Variants in HS6ST3 observed in about 807,000 individuals in gnomAD.
The protein encoded by HS6ST3 is heparan sulfate 6-O-sulfotransferase 3, also known as heparan-sulfate 6-O-sulfotransferase 3.
A neutral mutation model predicts 36.7 loss-of-function variants in HS6ST3; 12 were observed. The ratio of observed to expected loss-of-function variants is 0.33; its 90% CI spans 0.21 to 0.53. HS6ST3 has a LOEUF of 0.53. Among genes scored for constraint, HS6ST3 ranks in the 20% least tolerant of loss-of-function variants. The pLI, the probability that HS6ST3 is intolerant of heterozygous loss-of-function variation, is 0.95. For missense variants in HS6ST3, 584 were observed against 640.9 expected, an observed-to-expected ratio of 0.91 and a Z score of 0.96; for synonymous variants, 240 against 257.5, an observed-to-expected ratio of 0.93 and a Z score of 0.65.
intron 1 of HS6ST3, among the ~76,000 whole-genome samples, chr13:96,272,574 G>T (rs1051632757): frequency 6.6e-6 from 1 of 151,920 alleles, no homozygotes; most frequent in African/African-American, 2.4e-5. Context: ...AATTCTGGGT[G>T]GGGGAGAAAG....
intron 1 of HS6ST3, among the ~76,000 whole-genome samples, chr13:96,615,507 A>C (rs777982566): frequency 6.6e-6 from 1 of 152,182 alleles, no homozygotes; most frequent in African/African-American, 2.4e-5. Flanking sequence ...CCCATTCATC[A>C]TCTGGATGTA....
intron 1 of HS6ST3, among the ~76,000 whole-genome samples, chr13:96,757,602 G>A (rs781127440): frequency 2.6e-5 from 4 of 151,982 alleles, no homozygotes; most frequent in African/African-American, 7.2e-5. Flanking sequence ...TGCTGGTAAC[G>A]GTAAGGTTTT....
chr13:96,420,366 TCTC>T (rs1421088262), intron 1 of HS6ST3, among the ~76,000 whole-genome samples: 1 of 152,192 alleles, frequency 6.6e-6, no homozygotes, highest in Non-Finnish European at 1.5e-5. Flanking sequence ...TCTTCTTTAT[TCTC>T]CTCACTCTCC....
chr13:96,215,635 CT>C (rs1254114055), intron 1 of HS6ST3, among the ~76,000 whole-genome samples: 1 of 151,608 alleles, frequency 6.6e-6, no homozygotes. Context: ...TTAAAAAAAG[CT>C]TTTTTTCTGT....
intron 1 of HS6ST3, among the ~76,000 whole-genome samples, chr13:96,712,445 A>G (rs1356844771): frequency 2.0e-5 from 3 of 152,182 alleles, no homozygotes; most frequent in Admixed American, 1.3e-4. Flanking sequence ...GGAATTTTGT[A>G]TGAACACAGT....
intron 1 of HS6ST3, among the ~76,000 whole-genome samples, chr13:96,135,646 C>T (rs1320018265): frequency 6.6e-6 from 1 of 152,010 alleles, no homozygotes; most frequent in Non-Finnish European, 1.5e-5. Context: ...ACTGTTAAAC[C>T]ACACGGCATA....
rs574726106 is a variant in HS6ST3, at chr13:96,250,800, T to G, written c.707+159231T>G. On this transcript the variant is annotated intron_variant, in intron 1 of 1. Coordinates refer to ENST00000376705, the MANE Select transcript of HS6ST3 (RefSeq NM_153456.4). Reference sequence around the variant, plus strand: ...GTTGAGAGTTTTTATCCTGAAAGGCTTTTGAATTTTGTCAAATACTTTCTC... The same window carrying G: ...GTTGAGAGTTTTTATCCTGAAAGGCGTTTGAATTTTGTCAAATACTTTCTC... Among the ~76,000 whole-genome samples the G allele has an allele frequency of 2.0e-5, 3 of 152,340 alleles. 1 individual carries two copies. The highest frequency in any genetic ancestry group is 7.2e-5 in the African/African-American group (3 of 41,576).
intron 1 of HS6ST3, among the ~76,000 whole-genome samples, chr13:96,437,354 C>T (rs2055648147): frequency 6.6e-6 from 1 of 152,224 alleles, no homozygotes; most frequent in African/African-American, 2.4e-5. Flanking sequence ...GTATCATCAG[C>T]TACTTTGTTT....
intron 1 of HS6ST3, among the ~76,000 whole-genome samples, chr13:96,117,580 A>G (rs538420956): frequency 7.9e-5 from 12 of 152,342 alleles, no homozygotes; most frequent in African/African-American, 2.4e-4. Context: ...CATAATATCT[A>G]TGAAAATATG....
chr13:96,738,346 G>A (rs560942047), intron 1 of HS6ST3, among the ~76,000 whole-genome samples: 1 of 151,832 alleles, frequency 6.6e-6, no homozygotes, highest in Admixed American at 6.6e-5. Flanking sequence ...CAAGGTTATT[G>A]ACTGCAGTAA....
chr13:96,278,744 T>G (rs772928554), intron 1 of HS6ST3, among the ~76,000 whole-genome samples: 2 of 152,210 alleles, frequency 1.3e-5, no homozygotes, highest in African/African-American at 4.8e-5. Flanking sequence ...AAAAAATAAC[T>G]ACAATGATAT....
intron 1 of HS6ST3, among the ~76,000 whole-genome samples, chr13:96,141,269 A>G (rs1174620807): frequency 2.6e-5 from 4 of 152,212 alleles, no homozygotes. Context: ...ATGCCTGGAC[A>G]ATAAGAACTC....
Position 96,786,385 on chromosome 13 carries a change from G to A in HS6ST3, c.708-46105G>A, listed in dbSNP as rs148112592. Among the ~76,000 whole-genome samples the A allele has an allele frequency of 3.3e-3, 500 of 152,166 alleles. 2 individuals are homozygous for A. The highest frequency in any genetic ancestry group is 8.4e-3 in the Admixed American group (128 of 15,258). On this transcript the variant is annotated intron_variant, in intron 1 of 1. Coordinates refer to ENST00000376705, the MANE Select transcript of HS6ST3 (RefSeq NM_153456.4). ...TATCTACTCTAGTGCTATCTGCTTT[G>A]TGTCTGTTTCCCTCATGAGTTTGTA...
chr13:96,250,946 T>C (rs917318868), intron 1 of HS6ST3, among the ~76,000 whole-genome samples: 5 of 152,360 alleles, frequency 3.3e-5, no homozygotes, highest in South Asian at 4.1e-4. Context: ...CACTTGCTGA[T>C]ATTATGGTGC....
chr13:96,685,340 A>G (rs1404156674), intron 1 of HS6ST3, among the ~76,000 whole-genome samples: 1 of 152,094 alleles, frequency 6.6e-6, no homozygotes, highest in Non-Finnish European at 1.5e-5. Flanking sequence ...AAATACGACT[A>G]CTGGATGTGG....
chr13:96,633,440 A>G (rs770304950), intron 1 of HS6ST3, among the ~76,000 whole-genome samples: 2 of 152,214 alleles, frequency 1.3e-5, no homozygotes, highest in African/African-American at 2.4e-5. Context: ...TGAAAACCCT[A>G]GAAAAACTTT....
chr13:96,537,651 G>A (rs2056161152), intron 1 of HS6ST3, among the ~76,000 whole-genome samples: 1 of 152,190 alleles, frequency 6.6e-6, no homozygotes, highest in Non-Finnish European at 1.5e-5. Context: ...CTTACTTAAT[G>A]ACTAGAAGTA....
chr13:96,402,055 A>G (rs1925126), intron 1 of HS6ST3, among the ~76,000 whole-genome samples: 132,147 of 152,058 alleles, frequency 0.87, 57,743 homozygotes, highest in South Asian at 0.94. Flanking sequence ...AAATTCTCCC[A>G]TCTCAGCATC....
At chr13:96,499,701 A>G (rs1217146650) in intron 1 of HS6ST3, among the ~76,000 whole-genome samples, 1 of 152,100 alleles carries the variant, frequency 6.6e-6, no homozygotes, top group Non-Finnish European at 1.5e-5. Context: ...ACCCTGTGGC[A>G]TGAGCGTGTG....
Sources: gnomAD v4.1 joint callset for allele counts (sites outside exome capture counted in the v4.1 genomes callset) on GRCh38, gnomAD v4.1.1 for gene constraint, MANE v1.5 for transcripts, NCBI Gene and HGNC (gene_info 2026-07-23, HGNC 2026-07-21) for gene names.